The following SYT2 variants were observed in gnomAD, a reference collection of about 807,000 sequenced individuals.
The protein encoded by SYT2 is synaptotagmin 2.
In SYT2, 15 loss-of-function variants were observed where a neutral mutation model predicts 39.9. The observed-to-expected ratio is 0.38, with a 90% CI of 0.25 to 0.58. The LOEUF (loss-of-function observed/expected upper bound fraction) is 0.58, where lower values mean the gene tolerates loss of function less well. Among genes scored for constraint, SYT2 ranks in the 20% least tolerant of loss-of-function variants. SYT2 has a pLI of 0.70. For synonymous variants in SYT2, 181 were observed against 204.5 expected (o/e 0.89, Z 0.98); for missense variants, 389 against 530.3 (o/e 0.73, Z 2.62).
intron 3 of SYT2, 73 bp downstream of exon 3, chr1:202,604,382 T>C: frequency 6.6e-7 from 1 of 1,508,584 alleles, no homozygotes; most frequent in Non-Finnish European, 9.1e-7. Flanking sequence ...CAGGAGCCTT[T>C]GCTTCCCCTT....
chr1:202,709,091 TG>T (rs5780119), intron 1 of SYT2, among the ~76,000 whole-genome samples: 50,277 of 152,094 alleles, frequency 0.33, 8,623 homozygotes, highest in South Asian at 0.43. Context: ...TCTGGCTTCC[TG>T]GGCGCCCCCA....
At chr1:202,631,254 A>G (rs1317382448) in intron 1 of SYT2, among the ~76,000 whole-genome samples, 1 of 151,964 alleles carries the variant, frequency 6.6e-6, no homozygotes, top group African/African-American at 2.4e-5. Context: ...GTTCCAGTTC[A>G]CCCTACAGAT....
At position 202,600,388 on chromosome 1, in the gene SYT2, G is replaced by A; in HGVS notation, c.888C>T (p.Asn296=). 2.5e-6 allele frequency: 4 copies of A among 1,614,212 alleles called. No homozygotes were observed. The highest frequency in any genetic ancestry group is 2.5e-6 in the Non-Finnish European group (3 of 1,180,044). ...KLTVCILEAK[N]LKKMDVGGLS... ...GGCCGCCCACGTCCATCTTCTTGAG[G>A]TTCTTAGCCTCCAGGATGCAGACAG... The change falls in exon 7 of 9, where the codon AAC becomes AAT. Residue 296 remains asparagine, a synonymous_variant. Coordinates refer to ENST00000367268, the MANE Select transcript of SYT2 (RefSeq NM_177402.5).
chr1:202,645,742 G>C (rs113893745), intron 1 of SYT2, among the ~76,000 whole-genome samples: 1 of 152,146 alleles, frequency 6.6e-6, no homozygotes, highest in African/African-American at 2.4e-5. Flanking sequence ...CCTCTTGGGC[G>C]GAAGTGGAAT....
chr1:202,660,993 C>T (rs1306646393), intron 1 of SYT2, among the ~76,000 whole-genome samples: 1 of 152,196 alleles, frequency 6.6e-6, no homozygotes, highest in Non-Finnish European at 1.5e-5. Flanking sequence ...TTCCTCAAGT[C>T]ACTTAATCAT....
intron 1 of SYT2, among the ~76,000 whole-genome samples, chr1:202,706,249 G>A (rs1045180819): frequency 2.0e-5 from 3 of 152,058 alleles, no homozygotes; most frequent in African/African-American, 7.2e-5. Flanking sequence ...AACCGTCTTC[G>A]AGTGAGGGGG....
rs1690960944 is a variant in SYT2, at chr1:202,614,047, C to T, written c.-17-8258G>A. ...GTTCATTGAACCTTATCTGAGGCAC[C>T]TGGAAGTGGCCCTGGCACCGTAGAG... On this transcript the variant is annotated intron_variant, in intron 1 of 8. Transcript: ENST00000367268. The surrounding 1 kb of genome is among the most constrained non-coding windows in gnomAD (Gnocchi z 4.0). Among the ~76,000 whole-genome samples, 1 of 152,142 alleles carries T rather than the reference C, an allele frequency of 6.6e-6. No homozygotes were observed. Among genetic ancestry groups the T allele is most frequent in the Non-Finnish European group, 1.5e-5 (1 of 68,042 alleles).
At chr1:202,675,374 TA>T in intron 1 of SYT2, among the ~76,000 whole-genome samples, 1 of 148,348 alleles carries the variant, frequency 6.7e-6, no homozygotes, top group South Asian at 2.1e-4. Flanking sequence ...ATAATTAATA[TA>T]TATTATAATA....
chr1:202,656,505 A>G (rs1339099055), intron 1 of SYT2, among the ~76,000 whole-genome samples: 2 of 152,222 alleles, frequency 1.3e-5, no homozygotes, highest in African/African-American at 4.8e-5. Flanking sequence ...TCAAGTCCCA[A>G]CTGCTGCTTC....
Position 202,599,289 on chromosome 1 carries a change from C to T in SYT2, c.982G>A (p.Val328Met), listed in dbSNP as rs142292654. The part of the protein sequence containing the change: ...GKRLKKKKTT[V>M]KKKTLNPYFN... ...TATGGGTTCAGGGTCTTCTTCTTCA[C>T]GGTTGTCTTCTTCTTCTTGAGCCTC... The change falls in exon 8 of 9, where the codon GTG becomes ATG. Residue 328 changes from valine to methionine, a missense_variant. By Grantham distance (21) the Val-to-Met change is conservative. This residue lies in a region of SYT2 where 84 missense variants were observed against 123.1 expected (regional missense o/e 0.68). Transcript: ENST00000367268. This position sits in a 1 kb window ranked among gnomAD's most constrained non-coding sequence, Gnocchi z 4.4. 106 of 1,610,194 alleles carry T rather than the reference C, an allele frequency of 6.6e-5. No homozygotes were observed. The highest frequency in any genetic ancestry group is 8.0e-5 in the African/African-American group (6 of 74,696).
chr1:202,687,526 T>C (rs560531412), intron 1 of SYT2, among the ~76,000 whole-genome samples: 1 of 152,082 alleles, frequency 6.6e-6, no homozygotes, highest in African/African-American at 2.4e-5. Context: ...TGCGTGTCTG[T>C]CAGACAGAAG....
chr1:202,648,488 G>T (rs1692132750), intron 1 of SYT2, among the ~76,000 whole-genome samples: 1 of 152,172 alleles, frequency 6.6e-6, no homozygotes, highest in Non-Finnish European at 1.5e-5. Flanking sequence ...CATTTTCTCT[G>T]CTTTGCAGGT....
chr1:202,637,557 C>T (rs1192726961), intron 1 of SYT2, among the ~76,000 whole-genome samples: 1 of 152,240 alleles, frequency 6.6e-6, no homozygotes, highest in East Asian at 1.9e-4. Context: ...CCTCAAGTCC[C>T]AGCCCAGCCG....
intron 1 of SYT2, among the ~76,000 whole-genome samples, chr1:202,610,795 T>G (rs1005808657): frequency 2.0e-5 from 3 of 151,958 alleles, no homozygotes; most frequent in Admixed American, 2.0e-4. Context: ...CAAGGAGAAC[T>G]ACAAACCACT....
rs1447238973 is a variant in SYT2 at position 202,628,493 on chromosome 1, A to T, written c.-17-22704T>A. ...CCCCAGGGACAGAGACGTGCCCATC[A>T]CTCTTCAGACAGAGATGCCCATTAT... On this transcript the variant is annotated intron_variant, in intron 1 of 8. Coordinates refer to ENST00000367268, the MANE Select transcript of SYT2 (RefSeq NM_177402.5). This position sits in a 1 kb window ranked among gnomAD's most constrained non-coding sequence, Gnocchi z 4.2. Among the ~76,000 whole-genome samples, 1 of 151,926 alleles carries T rather than the reference A, an allele frequency of 6.6e-6. No homozygotes were observed. The highest frequency in any genetic ancestry group is 1.5e-5 in the Non-Finnish European group (1 of 67,994).
At chr1:202,688,420 C>T (rs1161054162) in intron 1 of SYT2, among the ~76,000 whole-genome samples, 1 of 152,230 alleles carries the variant, frequency 6.6e-6, no homozygotes, top group Non-Finnish European at 1.5e-5. Context: ...CTGCATAAGG[C>T]AGGGGACAGC....
intron 1 of SYT2, among the ~76,000 whole-genome samples, chr1:202,608,999 G>T (rs1690798554): frequency 6.6e-6 from 1 of 150,460 alleles, no homozygotes; most frequent in Admixed American, 6.6e-5. Context: ...TTAACATTAG[G>T]TATATCTCCT....
intron 1 of SYT2, among the ~76,000 whole-genome samples, chr1:202,696,068 A>T (rs1256506531): frequency 6.6e-6 from 1 of 152,154 alleles, no homozygotes; most frequent in Non-Finnish European, 1.5e-5. Context: ...TTTTTCTGAG[A>T]CTCTGGGAAG....
chr1:202,627,331 A>G (rs1691445260), intron 1 of SYT2: 1 of 505,874 alleles, frequency 2.0e-6, no homozygotes, highest in South Asian at 8.4e-5. Flanking sequence ...CTGATTGCTG[A>G]GCCTGATAGC....
Sources: gnomAD v4.1 joint callset for allele counts (sites outside exome capture counted in the v4.1 genomes callset) on GRCh38, gnomAD v4.1.1 for gene constraint, gnomAD v4.1.1 regional missense constraint, Gnocchi (gnomAD v3.1) non-coding constraint, MANE v1.5 for transcripts, NCBI Gene and HGNC (gene_info 2026-07-23, HGNC 2026-07-21) for gene names.